Variants in PACRG observed in about 807,000 individuals in gnomAD.
The protein encoded by PACRG is parkin coregulated gene protein.
A neutral mutation model predicts 29.7 loss-of-function variants in PACRG; 29 were observed. That is an observed-to-expected ratio of 0.98 (90% CI 0.73 to 1.33). The LOEUF is 1.33. Ranked by LOEUF, PACRG falls within the 40% of genes most tolerant of loss-of-function variation. PACRG has a pLI of 0.00. For synonymous variants in PACRG, 116 were observed against 118.7 expected (o/e 0.98, Z 0.15); for missense variants, 279 against 316.2 (o/e 0.88, Z 0.89).
intron 2 of PACRG, chr6:163,042,893 G>T (rs1808882878): frequency 7.1e-6 from 1 of 141,558 alleles, no homozygotes; most frequent in Non-Finnish European, 1.5e-5. Context: ...TGTATCTACA[G>T]TCATTGCATA....
chr6:163,049,446 C>T (rs903552672), intron 2 of PACRG, among the ~76,000 whole-genome samples: 6 of 152,148 alleles, frequency 3.9e-5, no homozygotes, highest in African/African-American at 1.4e-4. Flanking sequence ...TTATGCTACA[C>T]AATGGGGGAA....
intron 4 of PACRG, among the ~76,000 whole-genome samples, chr6:163,250,559 GCAAA>G (rs1782862958): frequency 6.6e-6 from 1 of 152,228 alleles, no homozygotes; most frequent in African/African-American, 2.4e-5. Context: ...CATATCGTCA[GCAAA>G]CAGTGACAGT....
chr6:163,048,598 G>A (rs984178294), intron 2 of PACRG, among the ~76,000 whole-genome samples: 2 of 152,152 alleles, frequency 1.3e-5, no homozygotes, highest in Non-Finnish European at 1.5e-5. Flanking sequence ...CAGACAGTCA[G>A]CTGTGTAGCT....
At chr6:163,087,292 A>G (rs1474347728) in intron 3 of PACRG, among the ~76,000 whole-genome samples, 3 of 150,042 alleles carry the variant, frequency 2.0e-5, no homozygotes, top group Admixed American at 6.6e-5. Flanking sequence ...CCAGGACCAG[A>G]GGAGAGGAGG....
Position 162,728,202 on chromosome 6 carries a change from C to T in PACRG, c.-34C>T. ...GTAAAGCCCACTGATTCTTTTACTA[C>T]ACTTTTTATGAGAACAAGACATTTT... On this transcript the variant is annotated 5_prime_UTR_variant, in exon 1 of 5. Transcript: ENST00000366888. 7 of 1,603,030 alleles carry T rather than the reference C, an allele frequency of 4.4e-6. No individual in the cohort carries two copies. Among genetic ancestry groups the T allele is most frequent in the Non-Finnish European group, 6.0e-6 (7 of 1,174,090 alleles).
chr6:162,944,228 A>G (rs573675462), intron 2 of PACRG, among the ~76,000 whole-genome samples: 26 of 152,240 alleles, frequency 1.7e-4, no homozygotes, highest in Non-Finnish European at 3.4e-4. Flanking sequence ...TTACAGCCAA[A>G]TAAATCATAG....
At chr6:162,904,652 A>T (rs1795804965) in intron 2 of PACRG, among the ~76,000 whole-genome samples, 1 of 152,242 alleles carries the variant, frequency 6.6e-6, no homozygotes, top group African/African-American at 2.4e-5. Flanking sequence ...TCAGAAATCC[A>T]TTCAGTCATT....
chr6:163,098,353 ATC>A (rs1412639631), intron 4 of PACRG, among the ~76,000 whole-genome samples: 2 of 152,084 alleles, frequency 1.3e-5, no homozygotes, highest in African/African-American at 4.8e-5. Context: ...TCTGGGAGTT[ATC>A]TCTGCTCTTC....
chr6:162,903,452 T>C (rs570529057), intron 2 of PACRG, among the ~76,000 whole-genome samples: 224 of 152,204 alleles, frequency 1.5e-3, no homozygotes, highest in South Asian at 6.0e-3. Context: ...CACAGTTCCA[T>C]GTGGCTGGGG....
At chr6:163,266,713 T>A (rs1783538553) in intron 4 of PACRG, among the ~76,000 whole-genome samples, 1 of 152,242 alleles carries the variant, frequency 6.6e-6, no homozygotes. Flanking sequence ...TAACTGCTTA[T>A]GTGACCCTCA....
At chr6:163,184,549 C>G (rs1434785471) in intron 4 of PACRG, among the ~76,000 whole-genome samples, 1 of 152,036 alleles carries the variant, frequency 6.6e-6, no homozygotes, top group Non-Finnish European at 1.5e-5. Context: ...CTTCGAAAAC[C>G]CAAATCGAAA....
intron 2 of PACRG, among the ~76,000 whole-genome samples, chr6:162,938,320 T>C (rs535997544): frequency 6.6e-6 from 1 of 152,374 alleles, no homozygotes; most frequent in African/African-American, 2.4e-5. Flanking sequence ...TTTGGGTTGG[T>C]TCCATGTTTT....
intron 4 of PACRG, among the ~76,000 whole-genome samples, chr6:163,092,309 T>G (rs952933696): frequency 1.4e-5 from 2 of 139,068 alleles, no homozygotes; most frequent in African/African-American, 5.4e-5. Context: ...CAGTGGCCCA[T>G]GTGAGGAGCC....
chr6:163,119,011 A>G (rs1816142960), intron 4 of PACRG, among the ~76,000 whole-genome samples: 1 of 152,208 alleles, frequency 6.6e-6, no homozygotes, highest in Admixed American at 6.5e-5. Context: ...GTCACATTCT[A>G]AGAGAGCTCA....
intron 2 of PACRG, among the ~76,000 whole-genome samples, chr6:163,024,000 C>G (rs937519604): frequency 3.3e-5 from 5 of 152,134 alleles, no homozygotes; most frequent in Non-Finnish European, 2.9e-5. Context: ...TACAAATATT[C>G]TCTCCCATTC....
At chr6:162,995,343 G>C (rs1295844402) in intron 2 of PACRG, among the ~76,000 whole-genome samples, 1 of 151,366 alleles carries the variant, frequency 6.6e-6, no homozygotes, top group Admixed American at 6.6e-5. Flanking sequence ...CCCCAGCCTC[G>C]CTGCCGCCTT....
chr6:163,235,995 G>T (rs6903196), intron 4 of PACRG, among the ~76,000 whole-genome samples: 46,466 of 151,786 alleles, frequency 0.31, 7,359 homozygotes, highest in Middle Eastern at 0.39. Flanking sequence ...CAAACTTTCT[G>T]CTCTTCCAAA....
At position 163,143,659 on chromosome 6, in the gene PACRG, T is replaced by TA. The variant is rs1777647803; in HGVS notation, c.613+54252dup. Among the ~76,000 whole-genome samples, 3 of 152,318 alleles carry TA rather than the reference T, an allele frequency of 2.0e-5. No individual in the cohort carries two copies. In the South Asian group the frequency reaches 6.2e-4, roughly 32 times the overall value. Reference sequence around the variant, plus strand: ...TAAATCACAATAATACTTTTTTTGATATTGAACTAAACTTCCATTCTAAGG... The same window carrying TA: ...TAAATCACAATAATACTTTTTTTGATAATTGAACTAAACTTCCATTCTAAGG... On this transcript the variant is annotated intron_variant, in intron 4 of 4. Transcript: ENST00000366888.
At chr6:163,298,910 A>AT (rs1784882993) in intron 4 of PACRG, among the ~76,000 whole-genome samples, 1 of 152,004 alleles carries the variant, frequency 6.6e-6, no homozygotes, top group African/African-American at 2.4e-5. Flanking sequence ...CTTAAATTTA[A>AT]TTTTCCCAGG....
Sources: allele counts gnomAD v4.1 joint callset (sites outside exome capture counted in the v4.1 genomes callset), GRCh38; gene constraint gnomAD v4.1.1; transcripts MANE v1.5; gene names NCBI Gene and HGNC (gene_info 2026-07-23, HGNC 2026-07-21).